The following PIK3C2G variants were observed in gnomAD, a reference collection of about 807,000 sequenced individuals.
PIK3C2G encodes the protein phosphatidylinositol 3-kinase C2 domain-containing subunit gamma.
Under a neutral mutation model 181.1 loss-of-function variants are expected in PIK3C2G, and 168 were observed. The observed-to-expected ratio is 0.93, with a 90% confidence interval of 0.82 to 1.05. The LOEUF is 1.05. Among genes scored for constraint, PIK3C2G ranks in the 50% least tolerant of loss-of-function variants. The pLI is 0.00. For missense variants in PIK3C2G, 1,869 were observed against 1,732.8 expected (o/e 1.08, Z -1.40); for synonymous variants, 573 against 592.2 (o/e 0.97, Z 0.47).
the PIK3C2G span, chr12:18,695,014 C>G: frequency 6.2e-7 from 1 of 1,612,274 alleles, no homozygotes; most frequent in Non-Finnish European, 8.5e-7. Flanking sequence ...CCAGAACCAC[C>G]ATTATCCAAA....
intron 18 of PIK3C2G, among the ~76,000 whole-genome samples, chr12:18,484,450 A>G (rs970361997): frequency 3.3e-5 from 5 of 152,134 alleles, no homozygotes; most frequent in African/African-American, 1.2e-4. Context: ...GGATTTAATC[A>G]TTTTCCGAAC....
chr12:18,309,822 T>C (rs1206489409), intron 5 of PIK3C2G, among the ~76,000 whole-genome samples: 1 of 151,856 alleles, frequency 6.6e-6, no homozygotes, highest in East Asian at 1.9e-4. Flanking sequence ...AGACAACATT[T>C]TGATAACTAC....
intron 24 of PIK3C2G, among the ~76,000 whole-genome samples, chr12:18,507,734 C>T (rs1242237758): frequency 6.6e-6 from 1 of 151,906 alleles, no homozygotes; most frequent in Non-Finnish European, 1.5e-5. Flanking sequence ...ATTTATTGCA[C>T]TGGCTTCTGT....
At chr12:18,531,161 A>G (rs1266815671) in intron 24 of PIK3C2G, among the ~76,000 whole-genome samples, 1 of 151,942 alleles carries the variant, frequency 6.6e-6, no homozygotes, top group Non-Finnish European at 1.5e-5. Context: ...CAAAAGATTG[A>G]TTTCCCAAGA....
intron 1 of PIK3C2G, among the ~76,000 whole-genome samples, chr12:18,267,864 G>A (rs1028991667): frequency 2.0e-5 from 3 of 152,030 alleles, no homozygotes; most frequent in Admixed American, 6.6e-5. Context: ...TTCATCCCCC[G>A]TTCCTACATA....
At chr12:18,721,155 C>T in the PIK3C2G span, among the ~76,000 whole-genome samples, 145,760 of 152,150 alleles carry the variant, frequency 0.96, 69,914 homozygotes, top group East Asian at 1. Context: ...TTTTGAACTA[C>T]TGAATAATTA....
At chr12:18,402,029 C>T (rs1193059673) in intron 16 of PIK3C2G, among the ~76,000 whole-genome samples, 3 of 152,028 alleles carry the variant, frequency 2.0e-5, no homozygotes, top group Non-Finnish European at 4.4e-5. Context: ...GAAGTATATA[C>T]TCAAGATAAA....
intron 1 of PIK3C2G, among the ~76,000 whole-genome samples, chr12:18,254,745 G>C (rs187734310): frequency 6.6e-6 from 1 of 151,854 alleles, no homozygotes; most frequent in Non-Finnish European, 1.5e-5. Flanking sequence ...CCAGCTACTC[G>C]GGAGGCCGAG....
chr12:18,433,284 G>A (rs918272512), intron 18 of PIK3C2G, among the ~76,000 whole-genome samples: 5 of 152,144 alleles, frequency 3.3e-5, no homozygotes, highest in African/African-American at 1.2e-4. Flanking sequence ...GGAGGCCGAG[G>A]AGGGTAGGTC....
rs1369746107 is a variant in PIK3C2G, at chr12:18,482,165, C to G, written c.2505-6284C>G. On this transcript the variant is annotated intron_variant, in intron 18 of 32. Transcript: ENST00000538779. ...TCACCCACCCCATCCACCCGCCCCCCGCCACCCTCGCACCCCTAGACTCCA... is the reference window on the plus strand; with the variant it reads ...TCACCCACCCCATCCACCCGCCCCCGGCCACCCTCGCACCCCTAGACTCCA... Among the ~76,000 whole-genome samples, 8 of 149,968 alleles carry G rather than the reference C, an allele frequency of 5.3e-5. No homozygotes were observed. The East Asian group carries it at 1.4e-3, about 26-fold the overall frequency.
chr12:18,542,016 CAT>C (rs1050816768), intron 25 of PIK3C2G, among the ~76,000 whole-genome samples: 6 of 151,802 alleles, frequency 4.0e-5, no homozygotes, highest in South Asian at 2.1e-4. Context: ...TAGTGTGTGA[CAT>C]GTGTGGGTTA....
chr12:18,243,332 T>C (rs561188549), upstream of PIK3C2G, among the ~76,000 whole-genome samples: 4 of 151,836 alleles, frequency 2.6e-5, no homozygotes, highest in South Asian at 2.1e-4. Context: ...TTTTTTCAGA[T>C]AAAAAAATTT....
chr12:18,626,610 TC>T (rs1949110832), intron 31 of PIK3C2G, among the ~76,000 whole-genome samples: 1 of 152,066 alleles, frequency 6.6e-6, no homozygotes, highest in African/African-American at 2.4e-5. Context: ...GATGATTAAC[TC>T]CCATGGCATG....
chr12:18,507,437 T>A (rs758469219), intron 24 of PIK3C2G, among the ~76,000 whole-genome samples: 1 of 152,190 alleles, frequency 6.6e-6, no homozygotes, highest in Non-Finnish European at 1.5e-5. Flanking sequence ...AAGTTAGGGA[T>A]ACTCTTTCAA....
At chr12:18,712,806 T>G in the PIK3C2G span, 1 of 1,606,058 alleles carries the variant, frequency 6.2e-7, no homozygotes, top group Non-Finnish European at 8.5e-7. Flanking sequence ...TTGCTTCTGT[T>G]TAAATAGCTA....
intron 6 of PIK3C2G, among the ~76,000 whole-genome samples, chr12:18,319,874 C>T (rs1951029931): frequency 6.6e-6 from 1 of 152,134 alleles, no homozygotes; most frequent in Non-Finnish European, 1.5e-5. Context: ...GTCCCAGTGA[C>T]TCTATATGTA....
At chr12:18,715,852 T>C in the PIK3C2G span, 1 of 152,294 alleles carries the variant, frequency 6.6e-6, no homozygotes, top group African/African-American at 2.4e-5. Context: ...CAGTGCTTTA[T>C]TTAGGCATGT....
the PIK3C2G span, among the ~76,000 whole-genome samples, chr12:18,686,426 T>C: frequency 1.3e-5 from 2 of 152,118 alleles, no homozygotes; most frequent in African/African-American, 4.8e-5. Flanking sequence ...CTAATCTTTC[T>C]TAAGCACCCT....
chr12:18,296,587 A>G (rs1949953174), intron 5 of PIK3C2G, among the ~76,000 whole-genome samples: 1 of 152,138 alleles, frequency 6.6e-6, no homozygotes. Context: ...TAAAAAGATG[A>G]TTTTCCTAGC....
Sources: gnomAD v4.1 joint callset for allele counts (sites outside exome capture counted in the v4.1 genomes callset) on GRCh38, gnomAD v4.1.1 for gene constraint, MANE v1.5 for transcripts, NCBI Gene and HGNC (gene_info 2026-07-23, HGNC 2026-07-21) for gene names.